The following LSAMP variants were observed in gnomAD, a reference collection of about 807,000 sequenced individuals.
LSAMP encodes limbic system-associated membrane protein.
LSAMP carries 7 observed loss-of-function variants against 38.6 expected under a neutral mutation model. That is an observed-to-expected ratio of 0.18 (90% CI 0.10 to 0.34). The LOEUF (loss-of-function observed/expected upper bound fraction) is 0.34, where lower values mean the gene tolerates loss of function less well. Among genes scored for constraint, LSAMP ranks in the 10% least tolerant of loss-of-function variants. LSAMP has a pLI of 1.00. For missense variants in LSAMP, 313 were observed against 420.0 expected, an observed-to-expected ratio of 0.75 and a Z score of 2.23; for synonymous variants, 154 against 166.8, an observed-to-expected ratio of 0.92 and a Z score of 0.59.
At chr3:116,271,738 G>A (rs185186804) in intron 1 of LSAMP, among the ~76,000 whole-genome samples, 21 of 152,074 alleles carry the variant, frequency 1.4e-4, no homozygotes, top group African/African-American at 1.9e-4. Context: ...ACGTGCTGAC[G>A]GATAGTGTGC....
intron 6 of LSAMP, among the ~76,000 whole-genome samples, chr3:115,813,705 G>A (rs1577029130): frequency 6.6e-6 from 1 of 152,274 alleles, no homozygotes; most frequent in East Asian, 1.9e-4. Flanking sequence ...AAGTGTGTAT[G>A]CAATTATAGA....
intron 1 of LSAMP, among the ~76,000 whole-genome samples, chr3:116,157,551 AAT>A (rs1709782973): frequency 6.6e-6 from 1 of 152,184 alleles, no homozygotes; most frequent in African/African-American, 2.4e-5. Flanking sequence ...TTTCAAAAAA[AAT>A]AGAGAAGAAA....
Position 116,397,851 on chromosome 3 carries a change from T to C in LSAMP, c.155+47026A>G, listed in dbSNP as rs573870073. On this transcript the variant is annotated intron_variant, in intron 1 of 6. Coordinates refer to ENST00000490035, the MANE Select transcript of LSAMP (RefSeq NM_002338.5). ...TAGGCTGTAGGCCAAGCTCAAGCCA[T>C]TGGTTACCTGTGTAACCCCAGGAAA... is the stretch of plus-strand genomic sequence containing the variant. Among the ~76,000 whole-genome samples the C allele has an allele frequency of 3.3e-5, 5 of 152,222 alleles. No individual in the cohort carries two copies. The East Asian group carries it at 9.7e-4, about 30-fold the overall frequency.
intron 1 of LSAMP, among the ~76,000 whole-genome samples, chr3:116,311,788 T>C (rs2047561420): frequency 6.6e-6 from 1 of 152,210 alleles, no homozygotes; most frequent in Non-Finnish European, 1.5e-5. Context: ...AGACCAGTCA[T>C]TGCAGTAGTA....
At chr3:115,869,962 G>A (rs1229398186) in intron 3 of LSAMP, among the ~76,000 whole-genome samples, 3 of 152,026 alleles carry the variant, frequency 2.0e-5, no homozygotes, top group African/African-American at 7.2e-5. Context: ...TGTCCCATGA[G>A]CCAAATTTGA....
intron 1 of LSAMP, among the ~76,000 whole-genome samples, chr3:116,325,510 C>G (rs1388952246): frequency 6.6e-6 from 1 of 152,004 alleles, no homozygotes; most frequent in Non-Finnish European, 1.5e-5. Flanking sequence ...CATACAGGTC[C>G]CTCAAAGTTT....
At chr3:115,885,931 T>G (rs1441774242) in intron 3 of LSAMP, among the ~76,000 whole-genome samples, 2 of 151,974 alleles carry the variant, frequency 1.3e-5, no homozygotes, top group East Asian at 3.9e-4. Context: ...ATTGGAATTT[T>G]CATCTGCAAC....
chr3:116,387,765 G>A (rs958536884), intron 1 of LSAMP, among the ~76,000 whole-genome samples: 2 of 152,090 alleles, frequency 1.3e-5, no homozygotes, highest in African/African-American at 4.8e-5. Context: ...TATAGTTGTA[G>A]ATACAGAAAT....
chr3:116,185,675 T>C (rs1258900137), intron 1 of LSAMP, among the ~76,000 whole-genome samples: 2 of 152,102 alleles, frequency 1.3e-5, no homozygotes, highest in Non-Finnish European at 2.9e-5. Context: ...TCTTAACATA[T>C]TCAACAGATG....
chr3:115,888,875 C>T (rs1291056055), intron 3 of LSAMP, among the ~76,000 whole-genome samples: 1 of 151,866 alleles, frequency 6.6e-6, no homozygotes, highest in African/African-American at 2.4e-5. Context: ...CTAGTCTATT[C>T]TAAGTCTGTG....
intron 1 of LSAMP, among the ~76,000 whole-genome samples, chr3:116,300,895 C>T (rs1266007371): frequency 3.3e-5 from 5 of 152,072 alleles, no homozygotes; most frequent in African/African-American, 7.2e-5. Context: ...ACGAAATGCT[C>T]ATTTTGGGGA....
chr3:115,999,885 T>C (rs4399891), intron 3 of LSAMP, among the ~76,000 whole-genome samples: 61,508 of 151,974 alleles, frequency 0.4, 12,999 homozygotes, highest in African/African-American at 0.54. Context: ...CTTCTGCCAC[T>C]GCACAGCTGT....
At chr3:116,248,477 ATG>A (rs3028670) in intron 1 of LSAMP, among the ~76,000 whole-genome samples, 9,722 of 139,450 alleles carry the variant, frequency 0.07, 328 homozygotes, top group Admixed American at 0.072. Flanking sequence ...CCTGTCTCTA[ATG>A]TGTGTGTGTG....
At chr3:115,875,629 G>T (rs1321351413) in intron 3 of LSAMP, among the ~76,000 whole-genome samples, 2 of 151,902 alleles carry the variant, frequency 1.3e-5, no homozygotes, top group East Asian at 3.9e-4. Flanking sequence ...TCACTTCCAG[G>T]GTTAAAGACT....
chr3:116,232,893 A>G (rs1193698878), intron 1 of LSAMP, among the ~76,000 whole-genome samples: 1 of 151,502 alleles, frequency 6.6e-6, no homozygotes, highest in Non-Finnish European at 1.5e-5. Context: ...GGCCCCTACC[A>G]GTTGCAAGAA....
At chr3:116,329,407 A>G (rs2047819512) in intron 1 of LSAMP, among the ~76,000 whole-genome samples, 1 of 152,192 alleles carries the variant, frequency 6.6e-6, no homozygotes, top group Non-Finnish European at 1.5e-5. Flanking sequence ...CCGACTTGAT[A>G]AAAAGCACTG....
At chr3:116,038,324 C>T (rs998861869) in intron 2 of LSAMP, among the ~76,000 whole-genome samples, 14 of 152,030 alleles carry the variant, frequency 9.2e-5, no homozygotes, top group South Asian at 2.1e-4. Context: ...TCTGAAGACG[C>T]CAGTGCCACC....
intron 1 of LSAMP, among the ~76,000 whole-genome samples, chr3:116,354,882 T>A (rs577232577): frequency 6.6e-6 from 1 of 150,586 alleles, no homozygotes; most frequent in Middle Eastern, 3.4e-3. Context: ...TGTGTGTGCA[T>A]GTGTGTTATA....
rs945118581 is a variant in LSAMP, at chr3:115,803,386, A to T, written c.*6931T>A. On this transcript the variant is annotated 3_prime_UTR_variant, in exon 7 of 7. Transcript: ENST00000490035. ...TTTCAGACAATAAAATCAAAGGACA[A>T]CTTTGGATAGATGCTAACCTGAGCC... 1 of 152,258 alleles carries T rather than the reference A, an allele frequency of 6.6e-6. No homozygotes were observed. The highest frequency in any genetic ancestry group is 1.5e-5 in the Non-Finnish European group (1 of 68,048). The allele number at this position is 152,258 out of a possible 1,614,324, so 9.4% of individuals were successfully genotyped here. A position where few individuals can be genotyped will look rare whatever the true frequency, so the allele number is the denominator to read the frequency against.
Sources: allele counts gnomAD v4.1 joint callset (sites outside exome capture counted in the v4.1 genomes callset), GRCh38; gene constraint gnomAD v4.1.1; transcripts MANE v1.5; gene names NCBI Gene and HGNC (gene_info 2026-07-23, HGNC 2026-07-21).